The following SYNJ1 variants were observed in gnomAD, a reference collection of about 807,000 sequenced individuals.
SYNJ1 encodes the protein synaptojanin 1, also known as polyphosphatidylinositol phosphatase SYNJ1.
In SYNJ1, 78 loss-of-function variants were observed where a neutral mutation model predicts 168.2. The observed-to-expected ratio is 0.46, with a 90% CI of 0.39 to 0.56. The LOEUF (loss-of-function observed/expected upper bound fraction) is 0.56. Ranked by LOEUF, SYNJ1 falls within the 20% of genes least tolerant of loss-of-function variation. SYNJ1 has a pLI of 0.00. For synonymous variants in SYNJ1, 539 were observed against 548.6 expected (o/e 0.98, Z 0.24); for missense variants, 1,303 against 1,597.6 (o/e 0.82, Z 3.14).
intron 10 of SYNJ1, among the ~76,000 whole-genome samples, chr21:32,682,190 A>G (rs1464223957): frequency 6.6e-6 from 1 of 152,194 alleles, no homozygotes; most frequent in Non-Finnish European, 1.5e-5. Flanking sequence ...ATAAGGGAAG[A>G]ACTAGGGGGA....
intron 27 of SYNJ1, among the ~76,000 whole-genome samples, chr21:32,642,592 G>A (rs2039891518): frequency 6.6e-6 from 1 of 152,192 alleles, no homozygotes; most frequent in African/African-American, 2.4e-5. Context: ...AGGGCTTCAC[G>A]CTGTAGATGT....
chr21:32,709,807 G>T (rs1235289950), intron 2 of SYNJ1, among the ~76,000 whole-genome samples: 1 of 151,914 alleles, frequency 6.6e-6, no homozygotes, highest in Non-Finnish European at 1.5e-5. Flanking sequence ...CGTAAGCCAT[G>T]GTGTCCAGCC....
chr21:32,708,239 C>T (rs115847086), intron 2 of SYNJ1, among the ~76,000 whole-genome samples: 1,635 of 152,206 alleles, frequency 0.011, 31 homozygotes, highest in African/African-American at 0.037. Flanking sequence ...GTGTGGGGAG[C>T]TCAGAGGAAA....
At chr21:32,685,158 G>T (rs936155984) in intron 9 of SYNJ1, among the ~76,000 whole-genome samples, 1 of 149,360 alleles carries the variant, frequency 6.7e-6, no homozygotes, top group African/African-American at 2.5e-5. Context: ...CTCCAGCCTG[G>T]GCGACAGAGC....
intron 2 of SYNJ1, among the ~76,000 whole-genome samples, chr21:32,703,693 G>A (rs1166185055): frequency 2.0e-5 from 3 of 152,078 alleles, no homozygotes; most frequent in South Asian, 2.1e-4. Flanking sequence ...AATGCCAGGA[G>A]GCAGTAGGAG....
chr21:32,708,761 C>CT (rs398040591), intron 2 of SYNJ1, among the ~76,000 whole-genome samples: 1,982 of 145,034 alleles, frequency 0.014, 32 homozygotes, highest in African/African-American at 0.039. Context: ...TCTTAGGTAC[C>CT]TTTTTTTTTT....
intron 4 of SYNJ1, among the ~76,000 whole-genome samples, chr21:32,695,841 G>GTTTTTTT (rs201904973): frequency 7.8e-6 from 1 of 127,782 alleles, no homozygotes; most frequent in African/African-American, 3.0e-5. Context: ...TTTTTGTTTT[G>GTTTTTTT]TTTTGTTTTT....
rs144614596 is a variant in SYNJ1, at chr21:32,707,082, T to C, written c.125-5035A>G. Among the ~76,000 whole-genome samples the C allele has an allele frequency of 5.1e-3, 779 of 152,210 alleles. 6 individuals are homozygous for C. Among genetic ancestry groups the C allele is most frequent in the African/African-American group, 0.018 (732 of 41,538 alleles). ...TCTCTTCCCTTTCTCCCTTTTTTCATACTGTTGTTTCATCTGGACCAACCT... is the reference window on the plus strand; with the variant it reads ...TCTCTTCCCTTTCTCCCTTTTTTCACACTGTTGTTTCATCTGGACCAACCT... On this transcript the variant is annotated intron_variant, in intron 2 of 32. Coordinates refer to ENST00000674351, the MANE Select transcript of SYNJ1 (RefSeq NM_203446.3).
At chr21:32,709,084 A>G (rs1374741537) in intron 2 of SYNJ1, among the ~76,000 whole-genome samples, 3 of 152,254 alleles carry the variant, frequency 2.0e-5, no homozygotes, top group South Asian at 2.1e-4. Flanking sequence ...TCACAGAACA[A>G]TTAAAAAGCT....
chr21:32,644,928 G>T (rs2145768707), intron 26 of SYNJ1, 40 bp downstream of exon 26: 1 of 1,593,972 alleles, frequency 6.3e-7, no homozygotes, highest in South Asian at 1.2e-5. Context: ...AAACATTAAT[G>T]AACCACGATT....
intron 6 of SYNJ1, among the ~76,000 whole-genome samples, chr21:32,692,282 A>T (rs1383421248): frequency 6.6e-6 from 1 of 152,144 alleles, no homozygotes; most frequent in Non-Finnish European, 1.5e-5. Flanking sequence ...CTTGGTTAAA[A>T]ATGAGGATTC....
intron 2 of SYNJ1, among the ~76,000 whole-genome samples, chr21:32,711,220 A>C (rs542112745): frequency 6.6e-6 from 1 of 152,384 alleles, no homozygotes; most frequent in African/African-American, 2.4e-5. Flanking sequence ...TATAGACTAC[A>C]GAAAACACTC....
At chr21:32,641,841 T>C (rs771413879) in intron 29 of SYNJ1, 55 bp downstream of exon 29, 17 of 1,338,970 alleles carry the variant, frequency 1.3e-5, no homozygotes, top group African/African-American at 1.5e-5. Flanking sequence ...AACTGACTAG[T>C]AGTAAACAGG....
intron 6 of SYNJ1, among the ~76,000 whole-genome samples, chr21:32,690,743 T>C (rs2041994072): frequency 6.6e-6 from 1 of 152,070 alleles, no homozygotes; most frequent in African/African-American, 2.4e-5. Flanking sequence ...ACCAACATGG[T>C]GAAACCTTGT....
In SYNJ1 at chr21:32,639,076, C is replaced by A. The variant is rs138579227; in HGVS notation, c.3747G>T (p.Pro1249=). Residue 1249 remains proline (P), a synonymous_variant, in exon 31 of 33, where the codon CCG becomes CCT. Coordinates refer to ENST00000674351, the MANE Select transcript of SYNJ1 (RefSeq NM_203446.3). ...EPLKPQAAFP[P]QSSLPPPAQR... ...GAGCAGGCGGGGGCAAAGAAGACTGCGGAGGAAAAGCAGCCTGAGGCTTCA... is the reference window on the plus strand; with the variant it reads ...GAGCAGGCGGGGGCAAAGAAGACTGAGGAGGAAAAGCAGCCTGAGGCTTCA... 9.3e-6 allele frequency: 15 copies of A among 1,613,606 alleles called. No homozygotes were observed. The African/African-American group carries it at 1.3e-4, about 14-fold the overall frequency.
At position 32,666,121 on chromosome 21, in the gene SYNJ1, T is replaced by C; in HGVS notation, c.1967A>G (p.Asp656Gly). The C allele has an allele frequency of 6.3e-7, 1 of 1,599,444 alleles. No individual in the cohort carries two copies. Among genetic ancestry groups the C allele is most frequent in the East Asian group, 2.2e-5 (1 of 44,770 alleles). ...ACCTCCCATTCCAGTCTTCACAGTA[T>C]CAACTGCAACATCCCTTTGAAACAA... is the stretch of plus-strand genomic sequence containing the variant. The part of the protein sequence containing the change: ...HAPFIRDVAV[D>G]TVKTGMGGAT... The change falls in exon 17 of 33, where the codon GAT (aspartate) becomes GGT (glycine). Residue 656 changes from aspartate (D) to glycine (G), a missense_variant. Asp to Gly is a moderately conservative substitution (Grantham distance 94, BLOSUM62 -1). Coordinates refer to ENST00000674351, the MANE Select transcript of SYNJ1 (RefSeq NM_203446.3).
Position 32,631,217 on chromosome 21 carries a change from A to G in SYNJ1, c.*588T>C. On this transcript the variant is annotated 3_prime_UTR_variant, in exon 33 of 33. Coordinates refer to ENST00000674351, the MANE Select transcript of SYNJ1 (RefSeq NM_203446.3). ...TTGGCTGATTACCCAGTAAGTCTGA[A>G]CAAGCTGACTTTGACTTCCCTTTCA... 6.2e-7 allele frequency: 1 copy of G among 1,614,222 alleles called. No homozygotes were observed. The highest frequency in any genetic ancestry group is 8.5e-7 in the Non-Finnish European group (1 of 1,180,040).
intron 4 of SYNJ1, 57 bp from the exon 5 acceptor site, chr21:32,695,339 C>T (rs1601450339): frequency 6.8e-7 from 1 of 1,468,398 alleles, no homozygotes; most frequent in South Asian, 1.3e-5. Context: ...CAAAGTATGA[C>T]TTTTAAAATA....
At chr21:32,703,876 G>A (rs1318162779) in intron 2 of SYNJ1, among the ~76,000 whole-genome samples, 4 of 151,940 alleles carry the variant, frequency 2.6e-5, no homozygotes, top group Admixed American at 6.6e-5. Flanking sequence ...ACTATGTCCA[G>A]CTAATTTTTT....
Sources: allele counts gnomAD v4.1 joint callset (sites outside exome capture counted in the v4.1 genomes callset), GRCh38; gene constraint gnomAD v4.1.1; transcripts MANE v1.5; gene names NCBI Gene and HGNC (gene_info 2026-07-23, HGNC 2026-07-21).